FNDC3A: variants seen among roughly 807,000 people sequenced by gnomAD.
The protein encoded by FNDC3A is fibronectin type III domain containing 3A, also known as fibronectin type-III domain-containing protein 3A.
Under a neutral mutation model 148.9 loss-of-function variants are expected in FNDC3A, and 32 were observed. That is an observed-to-expected ratio of 0.21 (90% CI 0.16 to 0.29). The LOEUF (loss-of-function observed/expected upper bound fraction) is 0.29, where lower values mean the gene tolerates loss of function less well. Among genes scored for constraint, FNDC3A ranks in the 10% least tolerant of loss-of-function variants. The pLI is 1.00. For synonymous variants in FNDC3A, 472 were observed against 473.6 expected, an observed-to-expected ratio of 1.00 and a Z score of 0.04; for missense variants, 1,191 against 1,452.8, an observed-to-expected ratio of 0.82 and a Z score of 2.93.
intron 14 of FNDC3A, among the ~76,000 whole-genome samples, chr13:49,179,533 G>A (rs1162674273): frequency 6.6e-6 from 1 of 152,106 alleles, no homozygotes; most frequent in Non-Finnish European, 1.5e-5. Flanking sequence ...TTATTACCAT[G>A]ATTGATGGTG....
chr13:49,196,080 CAAAAAAAAAAAA>C (rs71076070), intron 19 of FNDC3A, among the ~76,000 whole-genome samples: 9 of 71,600 alleles, frequency 1.3e-4, no homozygotes, highest in Non-Finnish European at 1.6e-4. Flanking sequence ...GACCTTGTCT[CAAAAAAAAAAAA>C]AAAAAAAAAA....
chr13:49,020,914 A>C (rs998356608), intron 2 of FNDC3A, among the ~76,000 whole-genome samples: 9 of 152,342 alleles, frequency 5.9e-5, no homozygotes, highest in Admixed American at 6.5e-5. Context: ...TCATGGTCTT[A>C]ATCACTATAA....
chr13:49,127,951 G>A (rs559904848), intron 4 of FNDC3A, among the ~76,000 whole-genome samples: 4 of 151,774 alleles, frequency 2.6e-5, no homozygotes, highest in East Asian at 1.9e-4. Flanking sequence ...GCACAGTCTC[G>A]GCTCACTGCA....
chr13:49,177,922 A>G (rs751713639), intron 13 of FNDC3A, among the ~76,000 whole-genome samples: 2 of 152,230 alleles, frequency 1.3e-5, no homozygotes, highest in Non-Finnish European at 2.9e-5. Context: ...TTTTTCTGAA[A>G]TTAGGAATTA....
At position 49,180,483 on chromosome 13, in the gene FNDC3A, G is replaced by A. The variant is rs539599652; in HGVS notation, c.1617+1829G>A. The stretch of plus-strand genomic sequence containing the variant: ...CTAAATATGATTTTCATATTTACAA[G>A]ATTTATAAAATACCTGAGAAATAGG... On this transcript the variant is annotated intron_variant, in intron 14 of 25. Transcript: ENST00000492622. Among the ~76,000 whole-genome samples the A allele has an allele frequency of 1.0e-3, 156 of 152,088 alleles. 1 individual carries two copies. The highest frequency in any genetic ancestry group is 3.7e-3 in the African/African-American group (153 of 41,496).
intron 3 of FNDC3A, among the ~76,000 whole-genome samples, chr13:49,112,912 A>G (rs1880666756): frequency 6.6e-6 from 1 of 152,184 alleles, no homozygotes; most frequent in African/African-American, 2.4e-5. Context: ...TTGGATGGGA[A>G]GAGTATCTTA....
At position 49,151,092 on chromosome 13, in the gene FNDC3A, G is replaced by A. The variant is rs1477506034; in HGVS notation, c.977+5157G>A. ...AAATGTATTCACAAAGGTCAGTTATGTCCATTTGGTCTAATGTGCCATTTA... is the reference window on the plus strand; with the variant it reads ...AAATGTATTCACAAAGGTCAGTTATATCCATTTGGTCTAATGTGCCATTTA... On this transcript the variant is annotated intron_variant, in intron 8 of 25. Transcript: ENST00000492622. Among the ~76,000 whole-genome samples the A allele has an allele frequency of 3.9e-5, 6 of 152,144 alleles. 2 individuals are homozygous for A. The highest frequency in any genetic ancestry group is 3.9e-4 in the Admixed American group (6 of 15,272).
At position 49,136,488 on chromosome 13, in the gene FNDC3A, A is replaced by G. The variant is rs200261886; in HGVS notation, c.647A>G (p.Asn216Ser). 113 of 1,613,876 alleles carry G rather than the reference A, an allele frequency of 7.0e-5. No individual in the cohort carries two copies. In the East Asian group the frequency reaches 1.7e-3, roughly 24 times the overall value. ...CCCCAGAAATGCCCTTCTCCCATTAATGAACATAATGGACTTATAAAAGGA... is the reference window on the plus strand; with the variant it reads ...CCCCAGAAATGCCCTTCTCCCATTAGTGAACATAATGGACTTATAAAAGGA... Reference protein sequence around the residue: ...SSPQKCPSPINEHNGLIKGQI... With the variant: ...SSPQKCPSPISEHNGLIKGQI... The change falls in exon 6 of 26, where the codon AAT becomes AGT. Residue 216 changes from asparagine to serine, a missense_variant. Coordinates refer to ENST00000492622, the MANE Select transcript of FNDC3A (RefSeq NM_001079673.2).
chr13:49,085,349 A>G (rs981654095), intron 3 of FNDC3A, among the ~76,000 whole-genome samples: 2 of 152,114 alleles, frequency 1.3e-5, no homozygotes, highest in African/African-American at 4.8e-5. Flanking sequence ...TCCTTCTCTC[A>G]TGTTCTAGTG....
chr13:49,073,338 T>C (rs184518723), intron 2 of FNDC3A, among the ~76,000 whole-genome samples: 7 of 152,222 alleles, frequency 4.6e-5, no homozygotes, highest in Admixed American at 2.6e-4. Flanking sequence ...CACAAGCAGG[T>C]AATTTACAAA....
At chr13:49,104,754 G>C (rs1279766622) in intron 3 of FNDC3A, among the ~76,000 whole-genome samples, 2 of 151,932 alleles carry the variant, frequency 1.3e-5, no homozygotes, top group East Asian at 3.9e-4. Flanking sequence ...TTATCCATTT[G>C]GATTAAAATG....
chr13:49,098,902 CTT>C (rs1209041854), intron 3 of FNDC3A, among the ~76,000 whole-genome samples: 4 of 152,102 alleles, frequency 2.6e-5, no homozygotes, highest in Non-Finnish European at 4.4e-5. Context: ...TGACCTTGAT[CTT>C]TTCTCTTTCT....
chr13:49,143,361 T>TAA (rs141110756), intron 7 of FNDC3A, among the ~76,000 whole-genome samples: 1 of 151,980 alleles, frequency 6.6e-6, no homozygotes, highest in Non-Finnish European at 1.5e-5. Flanking sequence ...CCAGTCTCAA[T>TAA]AAAAAAATAA....
intron 3 of FNDC3A, among the ~76,000 whole-genome samples, chr13:49,109,068 C>T (rs1392990910): frequency 6.6e-6 from 1 of 152,160 alleles, no homozygotes. Flanking sequence ...TCGCTTTGTG[C>T]CCTTGGCATG....
chr13:49,147,455 A>T (rs186110374), intron 8 of FNDC3A, among the ~76,000 whole-genome samples: 3 of 152,058 alleles, frequency 2.0e-5, no homozygotes, highest in Admixed American at 2.0e-4. Context: ...AGGGGTGGGG[A>T]ATGGAAAGAA....
At chr13:49,161,953 G>C (rs1884156075) in intron 8 of FNDC3A, among the ~76,000 whole-genome samples, 1 of 152,216 alleles carries the variant, frequency 6.6e-6, no homozygotes, top group Non-Finnish European at 1.5e-5. Flanking sequence ...CTTCTGGCTT[G>C]TAGGGTTTCT....
intron 2 of FNDC3A, among the ~76,000 whole-genome samples, chr13:49,068,608 A>G (rs1461318888): frequency 6.6e-6 from 1 of 152,222 alleles, no homozygotes; most frequent in Admixed American, 6.5e-5. Context: ...GCATGCATCC[A>G]TTCATTGCCA....
intron 4 of FNDC3A, among the ~76,000 whole-genome samples, chr13:49,127,829 C>G (rs1360860899): frequency 6.6e-6 from 1 of 152,116 alleles, no homozygotes; most frequent in Non-Finnish European, 1.5e-5. Flanking sequence ...TCCCTAACTT[C>G]TTTTTCTCAC....
chr13:49,019,917 A>G (rs1016743746), intron 2 of FNDC3A, among the ~76,000 whole-genome samples: 2 of 152,204 alleles, frequency 1.3e-5, no homozygotes, highest in East Asian at 1.9e-4. Context: ...CTCATTTGGT[A>G]TAACTTGTTC....
Sources: allele counts gnomAD v4.1 joint callset (sites outside exome capture counted in the v4.1 genomes callset), GRCh38; gene constraint gnomAD v4.1.1; transcripts MANE v1.5; gene names NCBI Gene and HGNC (gene_info 2026-07-23, HGNC 2026-07-21).